The following WDR27 variants were observed in gnomAD, a reference collection of about 807,000 sequenced individuals.
WDR27 encodes the protein WD repeat-containing protein 27.
A neutral mutation model predicts 114.4 loss-of-function variants in WDR27; 100 were observed. That is an observed-to-expected ratio of 0.87 (90% CI 0.74 to 1.03). The LOEUF (loss-of-function observed/expected upper bound fraction) is 1.03. Ranked by LOEUF, WDR27 falls within the 50% of genes least tolerant of loss-of-function variation. The pLI is 0.00. For missense variants in WDR27, 1,129 were observed against 1,092.9 expected (o/e 1.03, Z -0.47); for synonymous variants, 449 against 423.1 (o/e 1.06, Z -0.75).
intron 25 of WDR27, among the ~76,000 whole-genome samples, chr6:169,470,104 G>T (rs1786153124): frequency 6.6e-6 from 1 of 152,186 alleles, no homozygotes; most frequent in African/African-American, 2.4e-5. Flanking sequence ...ATACAATTCA[G>T]CCAATTTCTT....
intron 21 of WDR27, among the ~76,000 whole-genome samples, chr6:169,614,694 AAAAAAGAAAAG>A (rs1185777437): frequency 1.3e-4 from 20 of 152,056 alleles, no homozygotes; most frequent in East Asian, 3.8e-4. Flanking sequence ...TCTCAAAAAA[AAAAAAGAAAAG>A]AAAAAGAAAA....
intron 25 of WDR27, among the ~76,000 whole-genome samples, chr6:169,520,224 T>G (rs1336708072): frequency 6.6e-6 from 1 of 152,138 alleles, no homozygotes; most frequent in Admixed American, 6.5e-5. Context: ...CATAGCCAGC[T>G]TCCCACACTG....
intron 23 of WDR27, among the ~76,000 whole-genome samples, chr6:169,600,877 T>G (rs914360039): frequency 1.3e-5 from 2 of 152,206 alleles, no homozygotes; most frequent in Non-Finnish European, 2.9e-5. Context: ...GGAACCAAGT[T>G]GGAAAATACT....
At chr6:169,583,191 T>C (rs1384350120) in intron 23 of WDR27, among the ~76,000 whole-genome samples, 3 of 151,524 alleles carry the variant, frequency 2.0e-5, no homozygotes, top group Non-Finnish European at 2.9e-5. Flanking sequence ...CAAAAACCTC[T>C]ATAGTACCCT....
intron 20 of WDR27, 102 bp downstream of exon 20, chr6:169,634,326 C>G (rs1817152698): frequency 1.3e-5 from 10 of 766,300 alleles, no homozygotes; most frequent in Non-Finnish European, 2.1e-5. Context: ...TTCCCGGAGC[C>G]CCACACAATG....
At chr6:169,495,953 G>A (rs1201961975) in intron 25 of WDR27, among the ~76,000 whole-genome samples, 1 of 151,808 alleles carries the variant, frequency 6.6e-6, no homozygotes. Flanking sequence ...CAAAACCAAA[G>A]ATTCCAAAAG....
rs1232918661 is a variant in WDR27, at chr6:169,555,529, TC to T, written c.2645+16889del. On this transcript the variant is annotated intron_variant, in intron 25 of 25. Coordinates refer to ENST00000448612, the MANE Select transcript of WDR27 (RefSeq NM_182552.5). ...CATCATTTATATTTCTCACAAAAATTCTTAGGGGAAAAATAAAAATTGTAAA... is the reference window on the plus strand; with the variant it reads ...CATCATTTATATTTCTCACAAAAATTTTAGGGGAAAAATAAAAATTGTAAA... Among the ~76,000 whole-genome samples, 4 of 152,142 alleles carry T rather than the reference TC, an allele frequency of 2.6e-5. No individual in the cohort carries two copies. In the East Asian group the frequency reaches 7.7e-4, roughly 29 times the overall value.
Position 169,659,164 on chromosome 6 carries a change from A to G in WDR27, c.1241T>C (p.Val414Ala), listed in dbSNP as rs567926770. The G allele has an allele frequency of 1.1e-5, 18 of 1,611,348 alleles. No individual in the cohort carries two copies. Among genetic ancestry groups the G allele is most frequent in the Non-Finnish European group, 1.4e-5 (17 of 1,178,740 alleles). The change falls in exon 12 of 26, where the codon GTG becomes GCG. Residue 414 changes from valine to alanine, a missense_variant. Coordinates refer to ENST00000448612, the MANE Select transcript of WDR27 (RefSeq NM_182552.5). The surrounding 1 kb of genome is among the most constrained non-coding windows in gnomAD (Gnocchi z 4.3). ...TAGCGCGGCCGGGTTGATCTCCAAC[A>G]CGGCAATCTTCCCGCCAAAGAGGGA... ...LASLFGGKIAVLEINPAALVR... is the reference protein window; with the variant it reads ...LASLFGGKIAALEINPAALVR...
At chr6:169,574,269 C>T (rs1458562385) in intron 24 of WDR27, among the ~76,000 whole-genome samples, 1 of 152,198 alleles carries the variant, frequency 6.6e-6, no homozygotes, top group Non-Finnish European at 1.5e-5. Flanking sequence ...TTTGTAAGTA[C>T]AAGTATAATC....
chr6:169,673,771 T>A (rs949174990), intron 2 of WDR27, among the ~76,000 whole-genome samples: 2 of 152,180 alleles, frequency 1.3e-5, no homozygotes, highest in African/African-American at 4.8e-5. Flanking sequence ...TATTACAAAG[T>A]AATTTTGTGA....
chr6:169,485,715 T>G (rs1788794185), intron 25 of WDR27, among the ~76,000 whole-genome samples: 1 of 152,236 alleles, frequency 6.6e-6, no homozygotes, highest in Non-Finnish European at 1.5e-5. Context: ...ACGTGTACGT[T>G]CACTGCAGCA....
At chr6:169,603,891 T>C (rs1302478214) in intron 22 of WDR27, among the ~76,000 whole-genome samples, 2 of 152,158 alleles carry the variant, frequency 1.3e-5, no homozygotes, top group Middle Eastern at 3.2e-3. Context: ...TCAGGAGAAA[T>C]TTTAAAATTT....
intron 20 of WDR27, 90 bp downstream of exon 20, chr6:169,634,338 C>G (rs1391356284): frequency 1.4e-5 from 13 of 919,868 alleles, no homozygotes; most frequent in Non-Finnish European, 2.2e-5. Flanking sequence ...CACACAATGC[C>G]TGACACTCAC....
chr6:169,443,261 G>A, the WDR27 span, among the ~76,000 whole-genome samples: 51 of 152,260 alleles, frequency 3.3e-4, no homozygotes, highest in African/African-American at 1.1e-3. Context: ...CAGGACCCTC[G>A]CCTCCCAGGC....
intron 21 of WDR27, among the ~76,000 whole-genome samples, chr6:169,629,817 C>T (rs568199461): frequency 1.2e-4 from 18 of 151,460 alleles, no homozygotes; most frequent in East Asian, 9.8e-4. Flanking sequence ...ATCCCAGCTA[C>T]TCGGGAGGCT....
intron 2 of WDR27, among the ~76,000 whole-genome samples, chr6:169,681,872 C>G (rs1269669087): frequency 1.3e-5 from 2 of 152,164 alleles, no homozygotes; most frequent in Non-Finnish European, 2.9e-5. Context: ...AGGGAACTAT[C>G]CCATCTGTGC....
intron 25 of WDR27, among the ~76,000 whole-genome samples, chr6:169,535,396 A>G (rs1311668024): frequency 6.6e-6 from 1 of 152,134 alleles, no homozygotes; most frequent in African/African-American, 2.4e-5. Context: ...ATTTTCTTGG[A>G]TCTGACAATC....
chr6:169,467,350 C>T (rs1241680499), intron 25 of WDR27, among the ~76,000 whole-genome samples: 1 of 152,196 alleles, frequency 6.6e-6, no homozygotes, highest in Non-Finnish European at 1.5e-5. Flanking sequence ...TGTAGGGGCT[C>T]CAAACCCACA....
chr6:169,585,291 G>C (rs1473673783), intron 23 of WDR27, among the ~76,000 whole-genome samples: 1 of 152,160 alleles, frequency 6.6e-6, no homozygotes, highest in African/African-American at 2.4e-5. Flanking sequence ...AAATAAATGG[G>C]ACTGCATCAA....
Sources: gnomAD v4.1 joint callset for allele counts (sites outside exome capture counted in the v4.1 genomes callset) on GRCh38, gnomAD v4.1.1 for gene constraint, Gnocchi (gnomAD v3.1) non-coding constraint, MANE v1.5 for transcripts, NCBI Gene and HGNC (gene_info 2026-07-23, HGNC 2026-07-21) for gene names.